Variants in GLDN observed in about 807,000 individuals in gnomAD.
GLDN encodes the protein gliomedin, also known as collomin.
Under a neutral mutation model 56.5 loss-of-function variants are expected in GLDN, and 47 were observed. The observed-to-expected ratio is 0.83, with a 90% CI of 0.66 to 1.06. The LOEUF is 1.06. Among genes scored for constraint, GLDN ranks in the 50% least tolerant of loss-of-function variants. The pLI, the probability that GLDN is intolerant of heterozygous loss-of-function variation, is 0.00. For missense variants in GLDN, 782 were observed against 714.3 expected (o/e 1.09, Z -1.08); for synonymous variants, 332 against 278.8 (o/e 1.19, Z -1.90).
chr15:51,359,392 T>A (rs2037247927), intron 1 of GLDN, among the ~76,000 whole-genome samples: 1 of 152,206 alleles, frequency 6.6e-6, no homozygotes, highest in Admixed American at 6.5e-5. Context: ...GGCTGCAGGA[T>A]CCCTGGGAGT....
intron 2 of GLDN, among the ~76,000 whole-genome samples, chr15:51,381,342 GCGAA>G (rs1400166793): frequency 6.6e-6 from 1 of 152,036 alleles, no homozygotes; most frequent in Non-Finnish European, 1.5e-5. Flanking sequence ...CTCTGTCGTC[GCGAA>G]CGATGATTAA....
chr15:51,384,322 G>T (rs1305153502), intron 4 of GLDN: 6 of 221,654 alleles, frequency 2.7e-5, no homozygotes, highest in Non-Finnish European at 3.5e-5. Flanking sequence ...GTTGGCCCCT[G>T]GTAAGGCATT....
intron 4 of GLDN, among the ~76,000 whole-genome samples, chr15:51,393,727 T>C (rs1035509173): frequency 6.6e-6 from 1 of 152,210 alleles, no homozygotes; most frequent in Non-Finnish European, 1.5e-5. Context: ...CCTGTGCCAC[T>C]GGGAACTACC....
At chr15:51,401,239 A>G (rs2094809879) in intron 8 of GLDN, among the ~76,000 whole-genome samples, 1 of 152,204 alleles carries the variant, frequency 6.6e-6, no homozygotes, top group African/African-American at 2.4e-5. Context: ...AGGTGGGAGG[A>G]GGCAAGAGGT....
chr15:51,355,977 G>A (rs1041162953), intron 1 of GLDN, among the ~76,000 whole-genome samples: 2 of 150,576 alleles, frequency 1.3e-5, no homozygotes, highest in Non-Finnish European at 3.0e-5. Context: ...GGAGGCCAAG[G>A]CGGGCGGATC....
chr15:51,374,359 T>G (rs1033638573), intron 1 of GLDN, among the ~76,000 whole-genome samples: 2 of 152,228 alleles, frequency 1.3e-5, no homozygotes, highest in Non-Finnish European at 1.5e-5. Flanking sequence ...TTGTTCCTAG[T>G]GCAGCTGATT....
At chr15:51,366,887 A>G (rs1003543251) in intron 1 of GLDN, among the ~76,000 whole-genome samples, 2 of 152,212 alleles carry the variant, frequency 1.3e-5, no homozygotes, top group Admixed American at 6.5e-5. Flanking sequence ...CTGAAAAAAA[A>G]AAAGTATGAA....
intron 1 of GLDN, among the ~76,000 whole-genome samples, chr15:51,361,070 A>G (rs556458841): frequency 2.7e-4 from 41 of 152,214 alleles, no homozygotes; most frequent in Non-Finnish European, 2.1e-4. Context: ...TTTTGAAGGG[A>G]ACAATGTGAG....
At chr15:51,390,340 T>G (rs1336056743) in intron 4 of GLDN, among the ~76,000 whole-genome samples, 1 of 152,224 alleles carries the variant, frequency 6.6e-6, no homozygotes, top group African/African-American at 2.4e-5. Context: ...TAAGTGGAAG[T>G]GTTCTGTATT....
chr15:51,348,222 G>C (rs1351565289), intron 1 of GLDN, among the ~76,000 whole-genome samples: 1 of 152,170 alleles, frequency 6.6e-6, no homozygotes, highest in Non-Finnish European at 1.5e-5. Flanking sequence ...CTTGTCTAAA[G>C]GGGAGGCTCC....
chr15:51,373,305 T>C (rs1233174267), intron 1 of GLDN, among the ~76,000 whole-genome samples: 1 of 152,242 alleles, frequency 6.6e-6, no homozygotes, highest in Non-Finnish European at 1.5e-5. Flanking sequence ...CTGACGCTGG[T>C]CTTGTGGAAC....
chr15:51,381,768 G>T (rs77868452), intron 2 of GLDN, among the ~76,000 whole-genome samples: 15,125 of 144,768 alleles, frequency 0.1, 1,540 homozygotes, highest in African/African-American at 0.26. Flanking sequence ...ATCCCCTAGG[G>T]TTTTTTTTTT....
chr15:51,352,880 C>A (rs1184369256), intron 1 of GLDN, among the ~76,000 whole-genome samples: 1 of 152,132 alleles, frequency 6.6e-6, no homozygotes, highest in African/African-American at 2.4e-5. Flanking sequence ...ACGTTGATAT[C>A]AGCCCCTCCC....
In GLDN at chr15:51,404,700, T is replaced by C; in HGVS notation, c.1602T>C (p.Asp534=). The change falls in exon 10 of 10, where the codon GAT becomes GAC. Residue 534 remains aspartate, a synonymous_variant. Coordinates refer to ENST00000335449, the MANE Select transcript of GLDN (RefSeq NM_181789.4). ...MRDQHLYSWE[D]GHLMLYPVQF... ...ATCAGCATTTATATTCATGGGAAGA[T>C]GGCCATTTAATGCTTTATCCTGTGC... 1.2e-6 allele frequency: 2 copies of C among 1,612,420 alleles called. No homozygotes were observed. Among genetic ancestry groups the C allele is most frequent in the South Asian group, 1.1e-5 (1 of 91,046 alleles).
In GLDN at chr15:51,394,937, A is replaced by G; in HGVS notation, c.644A>G (p.Glu215Gly). 1.2e-6 allele frequency: 2 copies of G among 1,610,934 alleles called. No individual in the cohort carries two copies. Among genetic ancestry groups the G allele is most frequent in the African/African-American group, 1.3e-5 (1 of 74,826 alleles). ...GNEGPPGQKG[E>G]KGDKGDVSND... ...GAGGGCCCACCAGGGCAGAAGGGAG[A>G]AAAGGGTGACAAAGGAGATGTGTCC... The change falls in exon 5 of 10, where the codon GAA (glutamate) becomes GGA (glycine). Residue 215 changes from glutamate to glycine, a missense_variant. Glu to Gly is a moderately conservative substitution (Grantham distance 98, BLOSUM62 -2). Coordinates refer to ENST00000335449, the MANE Select transcript of GLDN (RefSeq NM_181789.4).
Position 51,382,648 on chromosome 15 carries a change from C to T in GLDN, c.416-788C>T, listed in dbSNP as rs7162857. Among the ~76,000 whole-genome samples the T allele has an allele frequency of 4.5e-4, 67 of 150,544 alleles. 2 individuals carry two copies. In the East Asian group the frequency reaches 0.013, roughly 29 times the overall value. On this transcript the variant is annotated intron_variant, in intron 2 of 9. Coordinates refer to ENST00000335449, the MANE Select transcript of GLDN (RefSeq NM_181789.4). ...GGCTGAGGCAGGAGAATGGCATGAA[C>T]CCAGGAGGCGGAGCTTGCAGTGAGC...
intron 1 of GLDN, among the ~76,000 whole-genome samples, chr15:51,349,328 G>A (rs1201724824): frequency 1.3e-5 from 2 of 152,246 alleles, no homozygotes; most frequent in Admixed American, 6.5e-5. Context: ...CTTGGACTGG[G>A]TTATTTCCAA....
intron 1 of GLDN, among the ~76,000 whole-genome samples, chr15:51,371,440 C>G (rs891400902): frequency 1.3e-5 from 2 of 152,224 alleles, no homozygotes; most frequent in Admixed American, 6.5e-5. Flanking sequence ...AAAACAAGCT[C>G]AAGCCATCTG....
At chr15:51,357,231 T>C (rs2037202452) in intron 1 of GLDN, among the ~76,000 whole-genome samples, 1 of 152,244 alleles carries the variant, frequency 6.6e-6, no homozygotes, top group African/African-American at 2.4e-5. Context: ...CTGCACACTC[T>C]TTGGGTCCAC....
Sources: gnomAD v4.1 joint callset for allele counts (sites outside exome capture counted in the v4.1 genomes callset) on GRCh38, gnomAD v4.1.1 for gene constraint, MANE v1.5 for transcripts, NCBI Gene and HGNC (gene_info 2026-07-23, HGNC 2026-07-21) for gene names.